Variants in PCDH15 observed in about 807,000 individuals in gnomAD.
The protein encoded by PCDH15 is protocadherin-15.
Under a neutral mutation model 178.5 loss-of-function variants are expected in PCDH15, and 129 were observed. The observed-to-expected ratio is 0.72, with a 90% CI of 0.63 to 0.84. The LOEUF is 0.84. Among genes scored for constraint, PCDH15 ranks in the 40% least tolerant of loss-of-function variants. PCDH15 has a pLI of 0.00. For synonymous variants in PCDH15, 800 were observed against 732.0 expected (o/e 1.09, Z -1.50); for missense variants, 2,230 against 2,099.9 (o/e 1.06, Z -1.21).
At chr10:55,410,679 C>T (rs1731842377) in intron 2 of PCDH15, among the ~76,000 whole-genome samples, 1 of 152,072 alleles carries the variant, frequency 6.6e-6, no homozygotes, top group Admixed American at 6.6e-5. Context: ...ATGGCTGGAT[C>T]AGTGGCTATT....
chr10:55,275,828 T>C (rs953029002), intron 1 of PCDH15, among the ~76,000 whole-genome samples: 1 of 151,652 alleles, frequency 6.6e-6, no homozygotes, highest in East Asian at 1.9e-4. Context: ...TAGAATTCCA[T>C]TGACTCTATT....
Position 54,020,075 on chromosome 10 carries a change from G to A in PCDH15, c.2751+117C>T, listed in dbSNP as rs544126555. ...ATTGGAAAATCTATGTTATGGGTCTGGTACCACTGTGTCATTAGGAATTGT... is the reference window on the plus strand; with the variant it reads ...ATTGGAAAATCTATGTTATGGGTCTAGTACCACTGTGTCATTAGGAATTGT... On this transcript the variant is annotated intron_variant, in intron 20 of 37. Transcript: ENST00000644397. 4.7e-5 allele frequency: 39 copies of A among 825,184 alleles called. 1 individual carries two copies. In the South Asian group the frequency reaches 5.0e-4, roughly 11 times the overall value. 51.1% of individuals were successfully genotyped at this position (825,184 alleles called of 1,614,324 possible).
Position 55,484,021 on chromosome 10 carries a change from G to A in PCDH15, c.-156+143604C>T, listed in dbSNP as rs143386282. Among the ~76,000 whole-genome samples, 502 of 151,750 alleles carry A rather than the reference G, an allele frequency of 3.3e-3. 5 individuals are homozygous for A. Among genetic ancestry groups the A allele is most frequent in the African/African-American group, 0.012 (477 of 41,446 alleles). ...TGCAGGAACATGGATGGATCTGGAG[G>A]CCATTATCCTTAGCAAACTAACACA... On this transcript the variant is annotated intron_variant, in intron 2 of 5. Transcript: ENST00000613346.
intron 8 of PCDH15, among the ~76,000 whole-genome samples, chr10:54,267,413 G>A (rs2132415228): frequency 6.6e-6 from 1 of 151,928 alleles, no homozygotes; most frequent in East Asian, 1.9e-4. Flanking sequence ...AATACTTGAA[G>A]CCCTAGCCAG....
rs187432241 is a variant in PCDH15 at position 54,748,810 on chromosome 10, G to A, written c.-29+52115C>T. Among the ~76,000 whole-genome samples the A allele has an allele frequency of 9.9e-5, 15 of 152,272 alleles. No homozygotes were observed. In the East Asian group the frequency reaches 2.9e-3, roughly 29 times the overall value. Reference sequence around the variant, plus strand: ...ACAGGGTGGAAAAGCACTCATTTAAGTGGAGGATTTTTCTTTTAAATGCTG... The same window carrying A: ...ACAGGGTGGAAAAGCACTCATTTAAATGGAGGATTTTTCTTTTAAATGCTG... On this transcript the variant is annotated intron_variant, in intron 1 of 37. Coordinates refer to ENST00000644397, the MANE Select transcript of PCDH15 (RefSeq NM_001384140.1).
intron 15 of PCDH15, among the ~76,000 whole-genome samples, chr10:54,102,759 C>A (rs2136171105): frequency 6.6e-6 from 1 of 152,272 alleles, no homozygotes; most frequent in East Asian, 1.9e-4. Context: ...GCCAATTATT[C>A]ATTCCAGCAC....
In PCDH15 at chr10:53,818,013, C is replaced by A; in HGVS notation, c.4434G>T (p.Arg1478Ser). The part of the protein sequence containing the change: ...RTCAIWRTLT[R>S]RGYGSEQQQL... ...CCCTTACCTCTGATCCATAACCTCT[C>A]CTGCAAGGCAGAAATAAATAAATCA... Residue 1478 changes from arginine to serine, a missense_variant and splice_region_variant, in exon 34 of 38, where the codon AGG becomes AGT. Coordinates refer to ENST00000644397, the MANE Select transcript of PCDH15 (RefSeq NM_001384140.1). 1.5e-5 allele frequency: 6 copies of A among 398,636 alleles called. No individual in the cohort carries two copies. Among genetic ancestry groups the A allele is most frequent in the Non-Finnish European group, 2.7e-5 (6 of 225,864 alleles). The allele number at this position is 398,636 out of a possible 1,614,324, so 24.7% of individuals were successfully genotyped here.
At chr10:54,589,032 G>C (rs2091703244) in intron 2 of PCDH15, among the ~76,000 whole-genome samples, 1 of 152,070 alleles carries the variant, frequency 6.6e-6, no homozygotes, top group African/African-American at 2.4e-5. Context: ...CCCAAACACA[G>C]ATACTCAGTA....
At chr10:54,254,128 C>T (rs1182469029) in intron 8 of PCDH15, among the ~76,000 whole-genome samples, 1 of 151,286 alleles carries the variant, frequency 6.6e-6, no homozygotes, top group East Asian at 1.9e-4. Context: ...ACCATAAACT[C>T]TATCTGTTTC....
intron 2 of PCDH15, chr10:54,575,173 A>T (rs1228398706): frequency 8.3e-6 from 1 of 120,808 alleles, no homozygotes. Context: ...GGGGGGAGGG[A>T]TAGCATTGGG....
chr10:53,900,190 TTCTC>T (rs1396134209), intron 26 of PCDH15, among the ~76,000 whole-genome samples: 1 of 128,494 alleles, frequency 7.8e-6, no homozygotes, highest in African/African-American at 4.2e-5. Context: ...AACACATTCT[TTCTC>T]TCTCTCTCTA....
upstream of PCDH15, among the ~76,000 whole-genome samples, chr10:54,802,325 G>A (rs560364684): frequency 2.0e-5 from 3 of 152,180 alleles, no homozygotes; most frequent in Non-Finnish European, 4.4e-5. Context: ...TTTCCAGAGG[G>A]AGGGAAAAAT....
chr10:54,207,372 G>A (rs1564682463), intron 10 of PCDH15, among the ~76,000 whole-genome samples: 1 of 17,882 alleles, frequency 5.6e-5, no homozygotes, highest in Non-Finnish European at 2.3e-4. Context: ...TTTTGTGTGT[G>A]TGTGTATGTG....
intron 2 of PCDH15, among the ~76,000 whole-genome samples, chr10:55,618,898 T>C (rs992148646): frequency 6.6e-6 from 1 of 152,060 alleles, no homozygotes; most frequent in African/African-American, 2.4e-5. Flanking sequence ...AAAGAGAATG[T>C]GCTTAGGCAT....
At position 54,527,792 on chromosome 10, in the gene PCDH15, A is replaced by G. The variant is rs1216029432; in HGVS notation, c.157+20T>C. On this transcript the variant is annotated intron_variant, in intron 3 of 37. Transcript: ENST00000644397. ...AAACCCTCTTAGATAAGACATTTGTAAAATAAAAAACTCACTTACCATTCC... is the reference window on the plus strand; with the variant it reads ...AAACCCTCTTAGATAAGACATTTGTGAAATAAAAAACTCACTTACCATTCC... 2 of 1,580,388 alleles carry G rather than the reference A, an allele frequency of 1.3e-6. No homozygotes were observed. The highest frequency in any genetic ancestry group is 1.7e-6 in the Non-Finnish European group (2 of 1,152,018).
chr10:55,335,720 T>G (rs1454322100), intron 2 of PCDH15, among the ~76,000 whole-genome samples: 1 of 151,942 alleles, frequency 6.6e-6, no homozygotes, highest in Admixed American at 6.5e-5. Flanking sequence ...AATTATAAAC[T>G]ATGATTTTTT....
intron 21 of PCDH15, among the ~76,000 whole-genome samples, chr10:53,985,659 G>C (rs1186602547): frequency 6.6e-6 from 1 of 151,864 alleles, no homozygotes; most frequent in African/African-American, 2.4e-5. Flanking sequence ...ATCAAGCAGG[G>C]AAAAAATTGT....
At chr10:55,146,856 T>C (rs1037204944) in intron 2 of PCDH15, among the ~76,000 whole-genome samples, 1 of 25,778 alleles carries the variant, frequency 3.9e-5, no homozygotes, top group African/African-American at 6.1e-5. Flanking sequence ...GTACTTTTAC[T>C]GACTTATGAT....
chr10:54,208,774 CATAAGA>C (rs1304612797), intron 10 of PCDH15, among the ~76,000 whole-genome samples: 1 of 151,796 alleles, frequency 6.6e-6, no homozygotes, highest in Non-Finnish European at 1.5e-5. Context: ...TCATTCTTGC[CATAAGA>C]ATAAGAGTAG....
Sources: gnomAD v4.1 joint callset for allele counts (sites outside exome capture counted in the v4.1 genomes callset) on GRCh38, gnomAD v4.1.1 for gene constraint, MANE v1.5 for transcripts, NCBI Gene and HGNC (gene_info 2026-07-23, HGNC 2026-07-21) for gene names.